The following NLGN1 variants were observed in gnomAD, a reference collection of about 807,000 sequenced individuals.
NLGN1 encodes the protein neuroligin-1.
NLGN1 carries 12 observed loss-of-function variants against 65.5 expected under a neutral mutation model. The ratio of observed to expected loss-of-function variants is 0.18; its 90% CI spans 0.12 to 0.30. The LOEUF is 0.30. Among genes scored for constraint, NLGN1 ranks in the 10% least tolerant of loss-of-function variants. The pLI, the probability that NLGN1 is intolerant of heterozygous loss-of-function variation, is 1.00. For missense variants in NLGN1, 750 were observed against 1,007.1 expected, an observed-to-expected ratio of 0.74 and a Z score of 3.46; for synonymous variants, 350 against 359.5, an observed-to-expected ratio of 0.97 and a Z score of 0.30.
At chr3:173,827,576 G>A (rs926563685) in intron 4 of NLGN1, among the ~76,000 whole-genome samples, 2 of 151,594 alleles carry the variant, frequency 1.3e-5, no homozygotes, top group African/African-American at 4.9e-5. Context: ...ATGGAAAACA[G>A]AGACAACACC....
chr3:173,427,123 A>G lies in NLGN1; in HGVS notation c.-389-7887A>G, dbSNP rs774025681. Among the ~76,000 whole-genome samples the G allele has an allele frequency of 1.3e-4, 20 of 151,984 alleles. 1 individual carries two copies. Among genetic ancestry groups the G allele is most frequent in the Non-Finnish European group, 7.4e-5 (5 of 67,906 alleles). Reference sequence around the variant, plus strand: ...ATTTGTTGGTGTATGGTTCTTCACAATAATCTCCAATAATCCTTTATATTT... The same window carrying G: ...ATTTGTTGGTGTATGGTTCTTCACAGTAATCTCCAATAATCCTTTATATTT... On this transcript the variant is annotated intron_variant, in intron 1 of 6. Transcript: ENST00000457714.
At chr3:174,243,649 C>T (rs563538786) in intron 4 of NLGN1, among the ~76,000 whole-genome samples, 1 of 152,100 alleles carries the variant, frequency 6.6e-6, no homozygotes, top group South Asian at 2.1e-4. Flanking sequence ...TGCAGTTTCT[C>T]GTCAATTACA....
At chr3:173,438,870 A>G (rs908222930) in intron 2 of NLGN1, among the ~76,000 whole-genome samples, 2 of 152,158 alleles carry the variant, frequency 1.3e-5, no homozygotes, top group Non-Finnish European at 2.9e-5. Context: ...AGTAAAAACC[A>G]TAGTTATCGT....
At chr3:174,076,282 G>A (rs1156660194) in intron 4 of NLGN1, among the ~76,000 whole-genome samples, 3 of 152,052 alleles carry the variant, frequency 2.0e-5, no homozygotes, top group East Asian at 1.9e-4. Context: ...GCTATGAAAT[G>A]TCATATGTTT....
intron 3 of NLGN1, among the ~76,000 whole-genome samples, chr3:173,638,866 TAATTG>T (rs1756994060): frequency 6.6e-6 from 1 of 152,202 alleles, no homozygotes; most frequent in Non-Finnish European, 1.5e-5. Context: ...TTATAGGTAT[TAATTG>T]TTTCTGAGGT....
At chr3:174,173,221 G>A (rs557639004) in intron 4 of NLGN1, among the ~76,000 whole-genome samples, 3 of 151,994 alleles carry the variant, frequency 2.0e-5, no homozygotes, top group Non-Finnish European at 2.9e-5. Flanking sequence ...GGAGTCTTAG[G>A]TTTTTTCAAA....
chr3:173,426,210 TGTTA>T (rs1468451682), intron 1 of NLGN1, among the ~76,000 whole-genome samples: 5 of 152,292 alleles, frequency 3.3e-5, no homozygotes, highest in South Asian at 2.1e-4. Context: ...TGAATTAGTT[TGTTA>T]GTTCTAACAG....
chr3:173,499,138 G>A (rs1405264966), intron 2 of NLGN1, among the ~76,000 whole-genome samples: 4 of 151,714 alleles, frequency 2.6e-5, no homozygotes, highest in African/African-American at 9.7e-5. Context: ...CCATGCCTAT[G>A]TCCTGAATGG....
At chr3:173,576,456 A>G (rs1489377190) in intron 2 of NLGN1, among the ~76,000 whole-genome samples, 2 of 152,202 alleles carry the variant, frequency 1.3e-5, no homozygotes, top group Admixed American at 6.5e-5. Flanking sequence ...TGGAAGTTCT[A>G]GAAAAAATTC....
intron 4 of NLGN1, among the ~76,000 whole-genome samples, chr3:173,813,053 G>A (rs1040306544): frequency 2.6e-5 from 4 of 151,512 alleles, no homozygotes; most frequent in South Asian, 2.1e-4. Flanking sequence ...AAAACAGAAC[G>A]AGAGAAAAGT....
At chr3:173,646,905 T>A (rs1758357477) in intron 3 of NLGN1, among the ~76,000 whole-genome samples, 1 of 152,082 alleles carries the variant, frequency 6.6e-6, no homozygotes, top group African/African-American at 2.4e-5. Flanking sequence ...TTGTCAAGAT[T>A]GGATAAAAAA....
At chr3:173,839,897 T>A (rs1227670703) in intron 4 of NLGN1, among the ~76,000 whole-genome samples, 3 of 152,226 alleles carry the variant, frequency 2.0e-5, no homozygotes, top group Non-Finnish European at 4.4e-5. Flanking sequence ...AGCCCTATTC[T>A]TATTTTCCCA....
chr3:174,020,374 C>G (rs1727507924), intron 4 of NLGN1, among the ~76,000 whole-genome samples: 1 of 151,838 alleles, frequency 6.6e-6, no homozygotes, highest in Non-Finnish European at 1.5e-5. Context: ...AAAATTGTCC[C>G]CAAGTGACTG....
At chr3:173,833,919 A>C (rs9855797) in intron 4 of NLGN1, among the ~76,000 whole-genome samples, 1 of 152,022 alleles carries the variant, frequency 6.6e-6, no homozygotes, top group East Asian at 1.9e-4. Context: ...TCAAAAGACC[A>C]AGACTATTGG....
At chr3:174,184,516 A>G (rs1003095919) in intron 4 of NLGN1, among the ~76,000 whole-genome samples, 4 of 152,164 alleles carry the variant, frequency 2.6e-5, no homozygotes, top group Non-Finnish European at 5.9e-5. Flanking sequence ...ATCCCCAGAT[A>G]AAAAGTGAGT....
At chr3:174,027,289 C>T (rs1367176898) in intron 4 of NLGN1, among the ~76,000 whole-genome samples, 2 of 152,124 alleles carry the variant, frequency 1.3e-5, no homozygotes, top group East Asian at 1.9e-4. Context: ...CTCTCTGAAA[C>T]TCCAACCCTT....
intron 3 of NLGN1, among the ~76,000 whole-genome samples, chr3:173,620,498 G>C (rs1753821279): frequency 6.6e-6 from 1 of 151,692 alleles, no homozygotes; most frequent in Non-Finnish European, 1.5e-5. Context: ...CAGTGAGTTA[G>C]AATAATAAAA....
chr3:173,494,700 A>G (rs1465460015), intron 2 of NLGN1, among the ~76,000 whole-genome samples: 5 of 151,744 alleles, frequency 3.3e-5, no homozygotes, highest in African/African-American at 9.7e-5. Context: ...AATTATTTTT[A>G]TGCATGATTT....
At chr3:173,895,439 G>T (rs74616718) in intron 4 of NLGN1, among the ~76,000 whole-genome samples, 2,365 of 152,156 alleles carry the variant, frequency 0.016, 62 homozygotes, top group African/African-American at 0.051. Context: ...GCAAAGAGAA[G>T]CCAAAATATG....
Sources: allele counts gnomAD v4.1 joint callset (sites outside exome capture counted in the v4.1 genomes callset), GRCh38; gene constraint gnomAD v4.1.1; transcripts MANE v1.5; gene names NCBI Gene and HGNC (gene_info 2026-07-23, HGNC 2026-07-21).